PRKAR2A: variants seen among roughly 807,000 people sequenced by gnomAD.
PRKAR2A encodes cAMP-dependent protein kinase type II-alpha regulatory subunit.
Under a neutral mutation model 51.9 loss-of-function variants are expected in PRKAR2A, and 29 were observed. The ratio of observed to expected loss-of-function variants is 0.56; its 90% CI spans 0.42 to 0.76. The LOEUF is 0.76. Among genes scored for constraint, PRKAR2A ranks in the 30% least tolerant of loss-of-function variants. PRKAR2A has a pLI of 0.00. For synonymous variants in PRKAR2A, 178 were observed against 186.2 expected, an observed-to-expected ratio of 0.96 and a Z score of 0.36; for missense variants, 445 against 512.1, an observed-to-expected ratio of 0.87 and a Z score of 1.26.
At chr3:48,831,217 G>C (rs569984675) in intron 1 of PRKAR2A, among the ~76,000 whole-genome samples, 2 of 152,122 alleles carry the variant, frequency 1.3e-5, no homozygotes, top group African/African-American at 4.8e-5. Flanking sequence ...GTCACTAAGC[G>C]ATAGGAATTT....
chr3:48,847,744 G>T lies in PRKAR2A; in HGVS notation c.-148C>A. 2 of 844,748 alleles carry T rather than the reference G, an allele frequency of 2.4e-6. No homozygotes were observed. Among genetic ancestry groups the T allele is most frequent in the Non-Finnish European group, 3.3e-6 (2 of 608,212 alleles). The allele number at this position is 844,748 out of a possible 1,614,324, so 52.3% of individuals were successfully genotyped here. On this transcript the variant is annotated 5_prime_UTR_variant, in exon 1 of 11. Coordinates refer to ENST00000265563, the MANE Select transcript of PRKAR2A (RefSeq NM_004157.4). The surrounding 1 kb of genome is among the most constrained non-coding windows in gnomAD (Gnocchi z 4.4). The stretch of plus-strand genomic sequence containing the variant: ...CGCGCCGCTCTTTGGCCGGCTCTGC[G>T]TTTCCGGGCCGCGCAACCCTACGCT...
intron 1 of PRKAR2A, among the ~76,000 whole-genome samples, chr3:48,826,479 T>C (rs2083068794): frequency 6.6e-6 from 1 of 152,196 alleles, no homozygotes; most frequent in Non-Finnish European, 1.5e-5. Flanking sequence ...AGCCCATCAA[T>C]GGATTTACCT....
chr3:48,794,640 A>G (rs1042962820), intron 2 of PRKAR2A, among the ~76,000 whole-genome samples: 1 of 151,948 alleles, frequency 6.6e-6, no homozygotes. Context: ...GGTTGCAGTG[A>G]GCCGAGATCA....
At chr3:48,812,190 G>A (rs1048707993) in intron 1 of PRKAR2A, among the ~76,000 whole-genome samples, 6 of 151,602 alleles carry the variant, frequency 4.0e-5, no homozygotes, top group African/African-American at 1.5e-4. Context: ...TAAGTACAAC[G>A]AAAATAGGAA....
chr3:48,745,164 C>A (rs952340610), downstream of PRKAR2A, among the ~76,000 whole-genome samples: 1 of 151,116 alleles, frequency 6.6e-6, no homozygotes, highest in Non-Finnish European at 1.5e-5. Context: ...CATGAGCAAC[C>A]GCACCCAGCC....
At chr3:48,819,444 A>T (rs578209752) in intron 1 of PRKAR2A, among the ~76,000 whole-genome samples, 1 of 152,348 alleles carries the variant, frequency 6.6e-6, no homozygotes, top group Admixed American at 6.5e-5. Context: ...GTAGCTGAGG[A>T]GACTGAGACT....
intron 1 of PRKAR2A, among the ~76,000 whole-genome samples, chr3:48,839,693 A>G (rs1200128027): frequency 6.6e-6 from 1 of 150,994 alleles, no homozygotes; most frequent in Non-Finnish European, 1.5e-5. Context: ...GTTAGTCACA[A>G]GGACCTCACT....
intron 1 of PRKAR2A, among the ~76,000 whole-genome samples, chr3:48,837,813 A>C (rs1044546095): frequency 3.9e-5 from 6 of 152,198 alleles, no homozygotes; most frequent in African/African-American, 1.4e-4. Flanking sequence ...AGGAAAAAAA[A>C]AAAAAAAGTA....
At chr3:48,829,873 T>TATATATATA (rs1559646973) in intron 1 of PRKAR2A, among the ~76,000 whole-genome samples, 21 of 62,866 alleles carry the variant, frequency 3.3e-4, no homozygotes, top group African/African-American at 1.1e-3. Context: ...ATATATATAT[T>TATATATATA]TTTTTTTTTT....
At chr3:48,802,074 T>A (rs145663361) in intron 2 of PRKAR2A, among the ~76,000 whole-genome samples, 2,049 of 152,186 alleles carry the variant, frequency 0.013, 40 homozygotes, top group Non-Finnish European at 0.015. Context: ...CACGCCCATC[T>A]ATTTTTGTAT....
chr3:48,760,741 A>G lies in PRKAR2A; in HGVS notation c.873+4263T>C, dbSNP rs1036930288. On this transcript the variant is annotated intron_variant, in intron 8 of 10. Coordinates refer to ENST00000265563, the MANE Select transcript of PRKAR2A (RefSeq NM_004157.4). Reference sequence around the variant, plus strand: ...TCCCAGCTACTCAGGAAGCTGAGGCAGGAGAATCGCTTGAACACAGGAGGC... The same window carrying G: ...TCCCAGCTACTCAGGAAGCTGAGGCGGGAGAATCGCTTGAACACAGGAGGC... Among the ~76,000 whole-genome samples the G allele has an allele frequency of 2.0e-5, 3 of 150,894 alleles. No homozygotes were observed. In the Admixed American group the frequency reaches 2.0e-4, roughly 10 times the overall value.
At chr3:48,793,127 T>G (rs558731932) in intron 3 of PRKAR2A, among the ~76,000 whole-genome samples, 131 of 152,034 alleles carry the variant, frequency 8.6e-4, no homozygotes, top group Non-Finnish European at 1.6e-3. Context: ...ATATTTCAAA[T>G]TTTTTAATTT....
At chr3:48,799,058 T>A (rs1365575732) in intron 2 of PRKAR2A, among the ~76,000 whole-genome samples, 1 of 152,166 alleles carries the variant, frequency 6.6e-6, no homozygotes, top group Non-Finnish European at 1.5e-5. Context: ...CTAAATTACT[T>A]CCTTTATTTT....
intron 2 of PRKAR2A, among the ~76,000 whole-genome samples, chr3:48,802,693 ACT>A (rs2082609435): frequency 6.6e-6 from 1 of 152,212 alleles, no homozygotes; most frequent in African/African-American, 2.4e-5. Flanking sequence ...ACACAGCCAG[ACT>A]CAGTCTCAGA....
At chr3:48,801,759 G>A (rs1012032785) in intron 2 of PRKAR2A, among the ~76,000 whole-genome samples, 2 of 151,684 alleles carry the variant, frequency 1.3e-5, no homozygotes, top group Non-Finnish European at 2.9e-5. Context: ...TGTTTGAGAC[G>A]GAGTTTAATA....
chr3:48,826,517 G>C (rs1215305083), intron 1 of PRKAR2A, among the ~76,000 whole-genome samples: 1 of 152,056 alleles, frequency 6.6e-6, no homozygotes, highest in Non-Finnish European at 1.5e-5. Context: ...ATTTTGTGTT[G>C]AGAGTTTTTA....
In PRKAR2A at chr3:48,839,616, T is replaced by C. The variant is rs548581480; in HGVS notation, c.262+7719A>G. On this transcript the variant is annotated intron_variant, in intron 1 of 10. Transcript: ENST00000265563. ...TCCTGTTTGATATTAAAGCTGTTAT[T>C]AAAATAACAGCTAGTAAGTTTTTTG... is the stretch of plus-strand genomic sequence containing the variant. Among the ~76,000 whole-genome samples the C allele has an allele frequency of 5.9e-5, 9 of 152,316 alleles. No individual in the cohort carries two copies. The East Asian group carries it at 1.7e-3, about 29-fold the overall frequency.
intron 1 of PRKAR2A, among the ~76,000 whole-genome samples, chr3:48,824,198 G>A (rs1406659771): frequency 6.6e-6 from 1 of 151,968 alleles, no homozygotes; most frequent in Admixed American, 6.6e-5. Context: ...CTGAGATCAC[G>A]CCATCACACT....
At chr3:48,799,112 C>T (rs1271596150) in intron 2 of PRKAR2A, among the ~76,000 whole-genome samples, 3 of 152,152 alleles carry the variant, frequency 2.0e-5, no homozygotes, top group Admixed American at 6.6e-5. Context: ...ATTGTTGCTG[C>T]CCCAAGGGTT....
Sources: allele counts gnomAD v4.1 joint callset (sites outside exome capture counted in the v4.1 genomes callset), GRCh38; gene constraint gnomAD v4.1.1; non-coding constraint Gnocchi (gnomAD v3.1); transcripts MANE v1.5; gene names NCBI Gene and HGNC (gene_info 2026-07-23, HGNC 2026-07-21).